Variants in ABCC9 observed in about 807,000 individuals in gnomAD.
The protein encoded by ABCC9 is ATP binding cassette subfamily C member 9.
A neutral mutation model predicts 188.3 loss-of-function variants in ABCC9; 95 were observed. The ratio of observed to expected loss-of-function variants is 0.50; its 90% CI spans 0.43 to 0.60. The LOEUF is 0.60. Ranked by LOEUF, ABCC9 falls within the 20% of genes least tolerant of loss-of-function variation. The pLI is 0.00. For synonymous variants in ABCC9, 659 were observed against 652.7 expected, an observed-to-expected ratio of 1.01 and a Z score of -0.15; for missense variants, 1,102 against 1,876.3, an observed-to-expected ratio of 0.59 and a Z score of 7.62.
intron 15 of ABCC9, among the ~76,000 whole-genome samples, chr12:21,887,352 G>A (rs1946931420): frequency 6.6e-6 from 1 of 151,942 alleles, no homozygotes; most frequent in African/African-American, 2.4e-5. Flanking sequence ...CTCATGACAT[G>A]CAAAATAAAA....
At chr12:21,919,431 A>G (rs1403654313) in intron 5 of ABCC9, among the ~76,000 whole-genome samples, 1 of 151,974 alleles carries the variant, frequency 6.6e-6, no homozygotes, top group Non-Finnish European at 1.5e-5. Flanking sequence ...TTTACATGAA[A>G]TGGAAAATTA....
chr12:21,808,615 A>G (rs1441335844), intron 37 of ABCC9, among the ~76,000 whole-genome samples: 1 of 151,992 alleles, frequency 6.6e-6, no homozygotes, highest in Non-Finnish European at 1.5e-5. Flanking sequence ...TCAAAAAACT[A>G]TTATGGGAGC....
In ABCC9 at chr12:21,896,985, G is replaced by A. The variant is rs550677271; in HGVS notation, c.1619-1670C>T. Among the ~76,000 whole-genome samples the A allele has an allele frequency of 7.2e-5, 11 of 152,288 alleles. No homozygotes were observed. In the East Asian group the frequency reaches 2.1e-3, roughly 29 times the overall value. ...GGTATTTCTGGTTCTAGGTTTTTGAGAAATCACCACACTGGTCTTCCACAA... is the reference window on the plus strand; with the variant it reads ...GGTATTTCTGGTTCTAGGTTTTTGAAAAATCACCACACTGGTCTTCCACAA... On this transcript the variant is annotated intron_variant, in intron 12 of 39. Coordinates refer to ENST00000261200, the MANE Select transcript of ABCC9 (RefSeq NM_020297.4).
chr12:21,820,031 T>C (rs1942940684), intron 31 of ABCC9, among the ~76,000 whole-genome samples: 1 of 152,230 alleles, frequency 6.6e-6, no homozygotes, highest in Non-Finnish European at 1.5e-5. Context: ...CTGCAGTTTA[T>C]ACATGCCAAA....
At position 21,800,861 on chromosome 12, in the gene ABCC9, T is replaced by G. The variant is rs762319597; in HGVS notation, c.*183A>C. On this transcript the variant is annotated 3_prime_UTR_variant, in exon 40 of 40. Transcript: ENST00000261200. ...TGGATCACTATAAAAACATCAATAA[T>G]GAACATATTAAGCAATAATATCTTG... The G allele has an allele frequency of 5.4e-5, 36 of 665,826 alleles. No individual in the cohort carries two copies. Among genetic ancestry groups the G allele is most frequent in the Non-Finnish European group, 7.8e-5 (31 of 397,642 alleles). The allele number at this position is 665,826 out of a possible 1,614,324, so 41.2% of individuals were successfully genotyped here. A position where few individuals can be genotyped will look rare whatever the true frequency, so the allele number is the denominator to read the frequency against.
chr12:21,818,202 C>A lies in ABCC9; in HGVS notation c.3719G>T (p.Ser1240Ile). The A allele has an allele frequency of 6.2e-7, 1 of 1,613,942 alleles. No individual in the cohort carries two copies. Among genetic ancestry groups the A allele is most frequent in the South Asian group, 1.1e-5 (1 of 91,090 alleles). ...TACCAATCCAGAATTCGAAGACCCACTAATGGATGCTATAGATGCAGTGAG... is the reference window on the plus strand; with the variant it reads ...TACCAATCCAGAATTCGAAGACCCAATAATGGATGCTATAGATGCAGTGAG... ...IVLTASIASI[S>I]GSSNSGLVGL... The change falls in exon 32 of 40, where the codon AGT becomes ATT. Residue 1240 changes from serine to isoleucine, a missense_variant. This residue lies in a region of ABCC9 where 143 missense variants were observed against 225.6 expected (regional missense o/e 0.63). Transcript: ENST00000261200.
intron 21 of ABCC9, among the ~76,000 whole-genome samples, chr12:21,860,733 T>A (rs1308864882): frequency 6.6e-6 from 1 of 152,186 alleles, no homozygotes; most frequent in East Asian, 1.9e-4. Context: ...CACCTTTCTT[T>A]GAGAACTCTT....
rs554356195 is a variant in ABCC9, at chr12:21,905,816, C to T, written c.1618+310G>A. Among the ~76,000 whole-genome samples, 5 of 152,180 alleles carry T rather than the reference C, an allele frequency of 3.3e-5. No homozygotes were observed. In the South Asian group the frequency reaches 1.0e-3, roughly 32 times the overall value. On this transcript the variant is annotated intron_variant, in intron 12 of 39. Coordinates refer to ENST00000261200, the MANE Select transcript of ABCC9 (RefSeq NM_020297.4). ...TTTTAATTACAGTTACTATTATCAC[C>T]ATCTTCATTTTACTGATGAAGAAAA...
intron 22 of ABCC9, among the ~76,000 whole-genome samples, chr12:21,855,939 T>TA (rs1409925124): frequency 6.6e-6 from 1 of 152,292 alleles, no homozygotes; most frequent in African/African-American, 2.4e-5. Context: ...GCTTCACTGT[T>TA]ACTATCTGTG....
intron 37 of ABCC9, among the ~76,000 whole-genome samples, chr12:21,808,227 A>T (rs1941993118): frequency 6.6e-6 from 1 of 152,078 alleles, no homozygotes; most frequent in African/African-American, 2.4e-5. Context: ...TGATGGGAAA[A>T]TAGGTATTTA....
In ABCC9 at chr12:21,875,660, G is replaced by A. The variant is rs183603557; in HGVS notation, c.2086C>T (p.Pro696Ser). 27 of 1,609,384 alleles carry A rather than the reference G, an allele frequency of 1.7e-5. 1 individual carries two copies. The Admixed American group carries it at 4.0e-4, about 24-fold the overall frequency. ...CATAACAGATAACTCTTACCTGTTG[G>A]AATTCGAATATCTATATTGGATAAT... ...ATLSNIDIRI[P>S]TGQLTMIVGQ... Residue 696 changes from proline to serine, a missense_variant, in exon 17 of 40, where the codon CCA becomes TCA. This residue lies in a region of ABCC9 where 258 missense variants were observed against 325.6 expected (regional missense o/e 0.79). Transcript: ENST00000261200.
chr12:21,807,610 T>G, intron 37 of ABCC9, 131 bp from the exon 38 acceptor site: 1 of 1,254,060 alleles, frequency 8.0e-7, no homozygotes. Flanking sequence ...TGCAAGGACT[T>G]CATACTGGAA....
At chr12:21,812,471 T>C (rs961802925) in intron 35 of ABCC9, among the ~76,000 whole-genome samples, 1 of 151,630 alleles carries the variant, frequency 6.6e-6, no homozygotes, top group African/African-American at 2.4e-5. Context: ...AATGATAGAG[T>C]GGATAAAGAA....
intron 18 of ABCC9, among the ~76,000 whole-genome samples, chr12:21,866,030 C>CA (rs1425342535): frequency 6.8e-6 from 1 of 147,852 alleles, no homozygotes; most frequent in Non-Finnish European, 1.5e-5. Flanking sequence ...GAGTTGATGT[C>CA]AGAGGGAAAA....
At chr12:21,912,764 T>TC in intron 8 of ABCC9, 108 bp downstream of exon 8, 1 of 602,934 alleles carries the variant, frequency 1.7e-6, no homozygotes, top group Non-Finnish European at 2.6e-6. Flanking sequence ...TTCAATTCTC[T>TC]GAAAAAAAGC....
In ABCC9 at chr12:21,809,954, A is replaced by G; in HGVS notation, c.4213T>C (p.Phe1405Leu). 1 of 1,591,760 alleles carries G rather than the reference A, an allele frequency of 6.3e-7. No homozygotes were observed. Among genetic ancestry groups the G allele is most frequent in the Non-Finnish European group, 8.6e-7 (1 of 1,161,062 alleles). Residue 1405 changes from phenylalanine (F) to leucine (L), a missense_variant and splice_region_variant, in exon 37 of 40, where the codon TTT (phenylalanine) becomes CTT (leucine). Physicochemically the swap from Phe to Leu is conservative, Grantham distance 22 (BLOSUM62 0). Around this residue, in one of 12 missense-constraint regions of ABCC9, gnomAD observed 67 missense variants for 101.0 expected, o/e 0.66. Coordinates refer to ENST00000261200, the MANE Select transcript of ABCC9 (RefSeq NM_020297.4). Reference sequence around the variant, plus strand: ...CATTTGCACTCTGGATCTAAATTAAATCTGTAGGGAAAAATTAGTTAATTA... The same window carrying G: ...CATTTGCACTCTGGATCTAAATTAAGTCTGTAGGGAAAAATTAGTTAATTA... ...DPILFSGSIR[F>L]NLDPECKCTD... is the part of the protein sequence containing the mutation.
intron 30 of ABCC9, among the ~76,000 whole-genome samples, chr12:21,832,039 A>G (rs985884109): frequency 1.3e-5 from 2 of 152,156 alleles, no homozygotes; most frequent in Non-Finnish European, 2.9e-5. Flanking sequence ...TGCAGTGAAC[A>G]TTCTTTCTGC....
intron 15 of ABCC9, among the ~76,000 whole-genome samples, chr12:21,884,045 T>C (rs1388698): frequency 0.35 from 53,554 of 151,860 alleles, 11,022 homozygotes; most frequent in Middle Eastern, 0.47. Context: ...CAGAAACATA[T>C]TGAGTCAGTA....
chr12:21,844,721 T>A, intron 27 of ABCC9, 46 bp downstream of exon 27: 3 of 1,609,190 alleles, frequency 1.9e-6, no homozygotes, highest in Non-Finnish European at 1.7e-6. Context: ...AAAATGCATA[T>A]TTTTATTATT....
Sources: gnomAD v4.1 joint callset for allele counts (sites outside exome capture counted in the v4.1 genomes callset) on GRCh38, gnomAD v4.1.1 for gene constraint, gnomAD v4.1.1 regional missense constraint, MANE v1.5 for transcripts, NCBI Gene and HGNC (gene_info 2026-07-23, HGNC 2026-07-21) for gene names.